TCF4: variants seen among roughly 807,000 people sequenced by gnomAD.
TCF4 encodes transcription factor 4, also known as SL3-3 enhancer factor 2.
Under a neutral mutation model 82.1 loss-of-function variants are expected in TCF4, and 3 were observed. That is an observed-to-expected ratio of 0.04 (90% CI 0.02 to 0.09). The LOEUF (loss-of-function observed/expected upper bound fraction) is 0.09. Among genes scored for constraint, TCF4 ranks in the 10% least tolerant of loss-of-function variants. TCF4 has a pLI of 1.00. For synonymous variants in TCF4, 276 were observed against 309.6 expected (o/e 0.89, Z 1.14); for missense variants, 518 against 852.7 (o/e 0.61, Z 4.89).
chr18:55,459,893 G>C (rs1033050693), intron 5 of TCF4, among the ~76,000 whole-genome samples: 1 of 152,034 alleles, frequency 6.6e-6, no homozygotes, highest in African/African-American at 2.4e-5. Flanking sequence ...TCAAAGGCAC[G>C]AACATATGAT....
At chr18:55,468,892 C>CT (rs2096105969) in intron 3 of TCF4, among the ~76,000 whole-genome samples, 1 of 66,400 alleles carries the variant, frequency 1.5e-5, no homozygotes, top group Admixed American at 1.5e-4. Context: ...CCCCCCCCCC[C>CT]CTTGTTCTAT....
intron 3 of TCF4, among the ~76,000 whole-genome samples, chr18:55,543,954 T>C (rs543568545): frequency 2.0e-5 from 3 of 152,252 alleles, no homozygotes; most frequent in Admixed American, 6.5e-5. Flanking sequence ...TCCCATAATG[T>C]TGGCATATAA....
At chr18:55,402,922 G>A (rs890230178) in intron 6 of TCF4, among the ~76,000 whole-genome samples, 1 of 152,090 alleles carries the variant, frequency 6.6e-6, no homozygotes, top group Non-Finnish European at 1.5e-5. Context: ...CTGTTAGCCT[G>A]CTGGCCTTGA....
intron 5 of TCF4, among the ~76,000 whole-genome samples, chr18:55,441,971 C>T (rs10503002): frequency 0.17 from 25,132 of 152,136 alleles, 2,734 homozygotes; most frequent in East Asian, 0.47. Context: ...CAGTCCCATG[C>T]GCTAATTGGT....
At chr18:55,279,472 T>C (rs2062090636) in intron 9 of TCF4, 79 bp downstream of exon 9, 1 of 1,602,560 alleles carries the variant, frequency 6.2e-7, no homozygotes, top group Non-Finnish European at 8.5e-7. Flanking sequence ...ATTCCATTTC[T>C]TCTGCCCCAT....
At chr18:55,370,133 C>T (rs1157472252) in intron 6 of TCF4, among the ~76,000 whole-genome samples, 3 of 152,206 alleles carry the variant, frequency 2.0e-5, no homozygotes, top group African/African-American at 7.2e-5. Context: ...CGCAATGGCT[C>T]ATGCCTGTAA....
intron 3 of TCF4, among the ~76,000 whole-genome samples, chr18:55,515,395 A>G (rs955073196): frequency 5.9e-5 from 9 of 152,162 alleles, no homozygotes; most frequent in Admixed American, 3.3e-4. Flanking sequence ...TTCTGAAGAC[A>G]TGATCCTGAC....
Position 55,257,259 on chromosome 18 carries a change from C to A in TCF4, c.1146+56G>T. 1.9e-6 allele frequency: 3 copies of A among 1,558,924 alleles called. No individual in the cohort carries two copies. The East Asian group carries it at 6.7e-5, about 35-fold the overall frequency. On this transcript the variant is annotated intron_variant, in intron 14 of 19. Coordinates refer to ENST00000354452, the MANE Select transcript of TCF4 (RefSeq NM_001083962.2). ...ATCTTGGAGAGTAAAGGAGACTGAA[C>A]AAGAAAGAACATGACCTGAAAATGG...
At chr18:55,243,969 C>T (rs1382881510) in intron 15 of TCF4, among the ~76,000 whole-genome samples, 1 of 152,092 alleles carries the variant, frequency 6.6e-6, no homozygotes, top group East Asian at 1.9e-4. Context: ...TACATGAGTT[C>T]TGAGAAAGGA....
chr18:55,526,562 C>A (rs901811001), intron 3 of TCF4, among the ~76,000 whole-genome samples: 2 of 152,098 alleles, frequency 1.3e-5, no homozygotes, highest in African/African-American at 4.8e-5. Flanking sequence ...CCACATGGGG[C>A]AAGATTAGTT....
At chr18:55,468,160 C>T (rs2096072598) in intron 3 of TCF4, among the ~76,000 whole-genome samples, 1 of 152,094 alleles carries the variant, frequency 6.6e-6, no homozygotes, top group African/African-American at 2.4e-5. Flanking sequence ...ACATACAACA[C>T]AAAATATACG....
intron 11 of TCF4, chr18:55,265,059 G>C (rs2058828324): frequency 6.6e-6 from 1 of 152,108 alleles, no homozygotes. Context: ...CTCAGCTTTG[G>C]GGAAATGTTC....
chr18:55,238,178 G>A (rs964359215), intron 15 of TCF4, among the ~76,000 whole-genome samples: 2 of 152,182 alleles, frequency 1.3e-5, no homozygotes, highest in African/African-American at 2.4e-5. Context: ...TCCATACTTC[G>A]TTAAAGCTCT....
chr18:55,451,109 T>C (rs2095614347), intron 5 of TCF4, among the ~76,000 whole-genome samples: 1 of 152,164 alleles, frequency 6.6e-6, no homozygotes, highest in South Asian at 2.1e-4. Flanking sequence ...GAAGTGAACA[T>C]TCTATACTAC....
At chr18:55,246,605 TC>T (rs1330526797) in intron 15 of TCF4, among the ~76,000 whole-genome samples, 1 of 152,216 alleles carries the variant, frequency 6.6e-6, no homozygotes, top group Non-Finnish European at 1.5e-5. Flanking sequence ...TTTTGACTTT[TC>T]TTTAAATTAA....
chr18:55,390,286 TAAAAAAAAAAAAAAAA>T (rs56965997), intron 6 of TCF4, among the ~76,000 whole-genome samples: 4 of 82,236 alleles, frequency 4.9e-5, no homozygotes, highest in Non-Finnish European at 9.0e-5. Flanking sequence ...CCCTGACTCT[TAAAAAAAAAAAAAAAA>T]AAAAAAAAGA....
intron 5 of TCF4, among the ~76,000 whole-genome samples, chr18:55,436,347 A>G (rs1330528583): frequency 3.3e-5 from 5 of 152,214 alleles, no homozygotes; most frequent in Non-Finnish European, 7.3e-5. Flanking sequence ...ATTCCCCGTA[A>G]AGGTTACATT....
In TCF4 at chr18:55,343,602, C is replaced by T. The variant is rs192862504; in HGVS notation, c.549+6757G>A. Among the ~76,000 whole-genome samples the T allele has an allele frequency of 2.4e-3, 367 of 152,148 alleles. 1 individual carries two copies. Among genetic ancestry groups the T allele is most frequent in the Non-Finnish European group, 4.2e-3 (284 of 67,968 alleles). On this transcript the variant is annotated intron_variant, in intron 8 of 19. Transcript: ENST00000354452. ...AATCATAAAGCATCTTTATTTTCAACCCTGAAATTTTACAAAATGCAGAAA... is the reference window on the plus strand; with the variant it reads ...AATCATAAAGCATCTTTATTTTCAATCCTGAAATTTTACAAAATGCAGAAA...
At chr18:55,331,219 G>A (rs1297161357) in intron 8 of TCF4, among the ~76,000 whole-genome samples, 1 of 152,126 alleles carries the variant, frequency 6.6e-6, no homozygotes, top group Non-Finnish European at 1.5e-5. Context: ...CAAGACAGAA[G>A]CTCAGTGGAG....
Sources: gnomAD v4.1 joint callset for allele counts (sites outside exome capture counted in the v4.1 genomes callset) on GRCh38, gnomAD v4.1.1 for gene constraint, MANE v1.5 for transcripts, NCBI Gene and HGNC (gene_info 2026-07-23, HGNC 2026-07-21) for gene names.